The following MAP2K5 variants were observed in gnomAD, a reference collection of about 807,000 sequenced individuals.
MAP2K5 encodes mitogen-activated protein kinase kinase 5.
MAP2K5 carries 49 observed loss-of-function variants against 83.1 expected under a neutral mutation model. The ratio of observed to expected loss-of-function variants is 0.59; its 90% CI spans 0.47 to 0.75. The LOEUF is 0.75. MAP2K5 is among the 30% of genes least tolerant of loss of function. The pLI is 0.00. For synonymous variants in MAP2K5, 202 were observed against 191.8 expected, an observed-to-expected ratio of 1.05 and a Z score of -0.44; for missense variants, 457 against 557.5, an observed-to-expected ratio of 0.82 and a Z score of 1.82.
chr15:67,614,056 A>G (rs2085998778), intron 8 of MAP2K5, among the ~76,000 whole-genome samples: 1 of 152,216 alleles, frequency 6.6e-6, no homozygotes, highest in Non-Finnish European at 1.5e-5. Flanking sequence ...GACAACTGAA[A>G]TTAGAGGATC....
rs1033688635 is a variant in MAP2K5, at chr15:67,760,242, CTTATAA to C, written c.1135-9354_1135-9349del. 5.3e-5 allele frequency among the ~76,000 whole-genome samples: 8 copies of C among 152,082 alleles called. No individual in the cohort carries two copies. The highest frequency in any genetic ancestry group is 1.3e-4 in the Admixed American group (2 of 15,274). ...AATCCAAAAGTTAATGTTCTGTTCA[CTTATAA>C]TTATATTTAATTCATATTTATGAGT... is the stretch of plus-strand genomic sequence containing the variant. On this transcript the variant is annotated intron_variant, in intron 19 of 21. Coordinates refer to ENST00000178640, the MANE Select transcript of MAP2K5 (RefSeq NM_145160.3). The surrounding 1 kb of genome is among the most constrained non-coding windows in gnomAD (Gnocchi z 4.1).
intron 13 of MAP2K5, chr15:67,679,853 A>T (rs1284717387): frequency 6.6e-6 from 1 of 152,208 alleles, no homozygotes; most frequent in Non-Finnish European, 1.5e-5. Context: ...CATGCCATAA[A>T]ATTCATCTAC....
chr15:67,608,648 A>G (rs2091070000), intron 8 of MAP2K5, among the ~76,000 whole-genome samples: 1 of 152,178 alleles, frequency 6.6e-6, no homozygotes, highest in Non-Finnish European at 1.5e-5. Context: ...GGAATTGGCT[A>G]ACTTTTCTCT....
In MAP2K5 at chr15:67,587,423, T is replaced by G. The variant is rs571547637; in HGVS notation, c.431+510T>G. Among the ~76,000 whole-genome samples, 55 of 152,228 alleles carry G rather than the reference T, an allele frequency of 3.6e-4. No homozygotes were observed. Among genetic ancestry groups the G allele is most frequent in the Middle Eastern group, 3.4e-3 (1 of 294 alleles). On this transcript the variant is annotated intron_variant, in intron 6 of 21. Transcript: ENST00000178640. The surrounding 1 kb of genome is among the most constrained non-coding windows in gnomAD (Gnocchi z 4.8). ...GGAGAGGGACATGGCCAGCCCTGTGTTTTTAAAAGATCCTCTGCCTGTGGT... is the reference window on the plus strand; with the variant it reads ...GGAGAGGGACATGGCCAGCCCTGTGGTTTTAAAAGATCCTCTGCCTGTGGT...
chr15:67,720,609 G>A lies in MAP2K5; in HGVS notation c.1045-7307G>A, dbSNP rs72751415. Among the ~76,000 whole-genome samples the A allele has an allele frequency of 4.5e-3, 682 of 152,300 alleles. 2 individuals are homozygous for A. Among genetic ancestry groups the A allele is most frequent in the Non-Finnish European group, 8.3e-3 (563 of 68,022 alleles). ...GAGAATTAGACGTAAAGGTACTAAT[G>A]CCTGAGGGGTGGGTCATGAATTAAT... On this transcript the variant is annotated intron_variant, in intron 16 of 21. Coordinates refer to ENST00000178640, the MANE Select transcript of MAP2K5 (RefSeq NM_145160.3). The surrounding 1 kb of genome is among the most constrained non-coding windows in gnomAD (Gnocchi z 5.7).
chr15:67,743,672 C>G (rs1039526516), intron 17 of MAP2K5, among the ~76,000 whole-genome samples: 1 of 152,140 alleles, frequency 6.6e-6, no homozygotes, highest in Admixed American at 6.5e-5. Flanking sequence ...GATATGGACA[C>G]TTTGTTTTTG....
intron 13 of MAP2K5, among the ~76,000 whole-genome samples, chr15:67,675,926 C>T (rs779547771): frequency 6.6e-6 from 1 of 152,086 alleles, no homozygotes; most frequent in African/African-American, 2.4e-5. Context: ...TAAGGAAAGA[C>T]GTCGTGTGTC....
rs1366170526 is a variant in MAP2K5, at chr15:67,793,583, C to G, written c.1243-13063C>G. On this transcript the variant is annotated intron_variant, in intron 21 of 21. Coordinates refer to ENST00000178640, the MANE Select transcript of MAP2K5 (RefSeq NM_145160.3). This position sits in a 1 kb window ranked among gnomAD's most constrained non-coding sequence, Gnocchi z 4.6. ...GAATCAAGTCTAAAATACAAGAAAG[C>G]TGGCTTAAGGAAAAGCTTGAGGCAC... Among the ~76,000 whole-genome samples the G allele has an allele frequency of 6.6e-6, 1 of 152,150 alleles. No individual in the cohort carries two copies. Among genetic ancestry groups the G allele is most frequent in the East Asian group, 1.9e-4 (1 of 5,202 alleles).
chr15:67,603,673 G>A lies in MAP2K5; in HGVS notation c.545+2924G>A, dbSNP rs751076588. On this transcript the variant is annotated intron_variant, in intron 8 of 21. Coordinates refer to ENST00000178640, the MANE Select transcript of MAP2K5 (RefSeq NM_145160.3). ...ATTGTTCTTATATCCCTGGCTTTTAGTACAGTGCAAAGAAATGATATAATC... is the reference window on the plus strand; with the variant it reads ...ATTGTTCTTATATCCCTGGCTTTTAATACAGTGCAAAGAAATGATATAATC... Among the ~76,000 whole-genome samples the A allele has an allele frequency of 4.4e-4, 67 of 152,074 alleles. 1 individual carries two copies. Among genetic ancestry groups the A allele is most frequent in the Non-Finnish European group, 4.7e-4 (32 of 68,016 alleles).
chr15:67,582,059 C>CTT (rs944586636), intron 4 of MAP2K5, among the ~76,000 whole-genome samples: 53 of 122,708 alleles, frequency 4.3e-4, no homozygotes, highest in East Asian at 2.5e-3. Flanking sequence ...TAGATGATTT[C>CTT]TTTTTTTTTT....
chr15:67,710,260 T>G (rs2088658868), intron 16 of MAP2K5, among the ~76,000 whole-genome samples: 1 of 152,228 alleles, frequency 6.6e-6, no homozygotes, highest in African/African-American at 2.4e-5. Context: ...ACCAGTCTCC[T>G]GAGTCTGAGG....
rs2089675155 is a variant in MAP2K5, at chr15:67,749,568, C to T, written c.1134+967C>T. Among the ~76,000 whole-genome samples, 2 of 152,076 alleles carry T rather than the reference C, an allele frequency of 1.3e-5. No homozygotes were observed. Among genetic ancestry groups the T allele is most frequent in the African/African-American group, 4.8e-5 (2 of 41,490 alleles). ...AAATTTGGGAGAAAAAATAAAGATC[C>T]TCCTAGGAAAAAAATAAACACACAC... On this transcript the variant is annotated intron_variant, in intron 19 of 21. Transcript: ENST00000178640. This position sits in a 1 kb window ranked among gnomAD's most constrained non-coding sequence, Gnocchi z 4.6.
rs559169462 is a variant in MAP2K5 at position 67,789,482 on chromosome 15, G to A, written c.1242+16730G>A. On this transcript the variant is annotated intron_variant, in intron 21 of 21. Coordinates refer to ENST00000178640, the MANE Select transcript of MAP2K5 (RefSeq NM_145160.3). ...GCCTGTAATCCCAGCACTTTGGGAGGCCAGGTGGATCACCTGAGGTCAGGA... is the reference window on the plus strand; with the variant it reads ...GCCTGTAATCCCAGCACTTTGGGAGACCAGGTGGATCACCTGAGGTCAGGA... Among the ~76,000 whole-genome samples the A allele has an allele frequency of 2.0e-5, 3 of 152,258 alleles. No homozygotes were observed. The South Asian group carries it at 6.2e-4, about 32-fold the overall frequency.
chr15:67,587,854 C>G lies in MAP2K5; in HGVS notation c.431+941C>G, dbSNP rs2085319531. On this transcript the variant is annotated intron_variant, in intron 6 of 21. Transcript: ENST00000178640. This position sits in a 1 kb window ranked among gnomAD's most constrained non-coding sequence, Gnocchi z 4.8. Reference sequence around the variant, plus strand: ...TTCCTAGGCCTCCCTCAGTGCCACACCCTGTCAGTCCCCACACTTGTGGGT... The same window carrying G: ...TTCCTAGGCCTCCCTCAGTGCCACAGCCTGTCAGTCCCCACACTTGTGGGT... Among the ~76,000 whole-genome samples the G allele has an allele frequency of 6.6e-6, 1 of 152,190 alleles. No individual in the cohort carries two copies. Among genetic ancestry groups the G allele is most frequent in the Non-Finnish European group, 1.5e-5 (1 of 68,030 alleles).
At chr15:67,680,532 T>C (rs2087793149) in intron 13 of MAP2K5, among the ~76,000 whole-genome samples, 3 of 152,164 alleles carry the variant, frequency 2.0e-5, no homozygotes, top group African/African-American at 7.2e-5. Context: ...TAGCTTTATG[T>C]TTAAGTTTTA....
At chr15:67,648,645 TCACTGCAACCTC>T (rs56188779) in intron 11 of MAP2K5, among the ~76,000 whole-genome samples, 148,301 of 150,974 alleles carry the variant, frequency 0.98, 72,907 homozygotes, top group Middle Eastern at 1. Flanking sequence ...TGATCTCGGC[TCACTGCAACCTC>T]CACTGCAACC....
intron 21 of MAP2K5, among the ~76,000 whole-genome samples, chr15:67,799,500 C>T (rs2090664358): frequency 6.6e-6 from 1 of 152,258 alleles, no homozygotes; most frequent in African/African-American, 2.4e-5. Flanking sequence ...GAGGAAGCTG[C>T]AGACAGCTGC....
intron 2 of MAP2K5, among the ~76,000 whole-genome samples, chr15:67,556,621 A>G (rs1025617315): frequency 1.7e-4 from 25 of 147,224 alleles, no homozygotes; most frequent in South Asian, 4.3e-4. Context: ...GCATGATCTC[A>G]GCTCACTGCA....
intron 1 of MAP2K5, chr15:67,546,339 A>G (rs2140938713): frequency 6.6e-6 from 1 of 152,468 alleles, no homozygotes; most frequent in South Asian, 2.1e-4. Flanking sequence ...ACAGGGGGAA[A>G]ATACCTTGCT....
Sources: allele counts gnomAD v4.1 joint callset (sites outside exome capture counted in the v4.1 genomes callset), GRCh38; gene constraint gnomAD v4.1.1; non-coding constraint Gnocchi (gnomAD v3.1); transcripts MANE v1.5; gene names NCBI Gene and HGNC (gene_info 2026-07-23, HGNC 2026-07-21).